Variants in ZSWIM5 observed in about 807,000 individuals in gnomAD.
ZSWIM5 encodes zinc finger SWIM domain-containing protein 5.
Under a neutral mutation model 119.6 loss-of-function variants are expected in ZSWIM5, and 55 were observed. The ratio of observed to expected loss-of-function variants is 0.46; its 90% CI spans 0.37 to 0.58. The LOEUF (loss-of-function observed/expected upper bound fraction) is 0.58, where lower values mean the gene tolerates loss of function less well. Ranked by LOEUF, ZSWIM5 falls within the 20% of genes least tolerant of loss-of-function variation. The pLI is 0.00. For missense variants in ZSWIM5, 1,193 were observed against 1,512.8 expected, an observed-to-expected ratio of 0.79 and a Z score of 3.51; for synonymous variants, 537 against 606.9, an observed-to-expected ratio of 0.88 and a Z score of 1.69.
chr1:45,092,408 T>A (rs1645371940), intron 1 of ZSWIM5, among the ~76,000 whole-genome samples: 2 of 152,224 alleles, frequency 1.3e-5, no homozygotes, highest in Non-Finnish European at 1.5e-5. Flanking sequence ...GTGATTCTCC[T>A]GCCTCAGCCT....
chr1:45,154,840 C>T (rs1645817818), intron 1 of ZSWIM5, among the ~76,000 whole-genome samples: 2 of 151,944 alleles, frequency 1.3e-5, no homozygotes, highest in Admixed American at 6.6e-5. Flanking sequence ...GGAGATTGTG[C>T]CATTGCACTC....
At chr1:45,117,109 C>A (rs1282355756) in intron 1 of ZSWIM5, among the ~76,000 whole-genome samples, 1 of 152,074 alleles carries the variant, frequency 6.6e-6, no homozygotes, top group Non-Finnish European at 1.5e-5. Flanking sequence ...GCTCAAAAGA[C>A]AGAAAAAAGG....
intron 1 of ZSWIM5, among the ~76,000 whole-genome samples, chr1:45,148,596 C>T (rs559528784): frequency 6.6e-6 from 1 of 152,020 alleles, no homozygotes; most frequent in African/African-American, 2.4e-5. Context: ...GCTTAAGGAT[C>T]AAATTGGTTG....
intron 5 of ZSWIM5, among the ~76,000 whole-genome samples, chr1:45,044,812 T>TATATATAAAC: frequency 7.1e-5 from 1 of 14,038 alleles, no homozygotes; most frequent in Non-Finnish European, 1.2e-4. Flanking sequence ...TAAATATATA[T>TATATATAAAC]ATATATATAA....
intron 1 of ZSWIM5, among the ~76,000 whole-genome samples, chr1:45,101,809 A>G (rs1053085313): frequency 6.6e-6 from 1 of 152,198 alleles, no homozygotes; most frequent in Non-Finnish European, 1.5e-5. Flanking sequence ...CAAACACCGC[A>G]TGTTCTCACT....
At chr1:45,187,233 T>C (rs1226481454) in intron 1 of ZSWIM5, among the ~76,000 whole-genome samples, 1 of 152,074 alleles carries the variant, frequency 6.6e-6, no homozygotes, top group East Asian at 1.9e-4. Context: ...AAAGACAATG[T>C]GATACTAACA....
intron 2 of ZSWIM5, among the ~76,000 whole-genome samples, chr1:45,073,340 C>G (rs151003755): frequency 6.9e-6 from 1 of 144,120 alleles, no homozygotes; most frequent in African/African-American, 2.6e-5. Flanking sequence ...CTCACTGCAA[C>G]CTCTGCCTCC....
At chr1:45,023,153 C>T (rs1644898412) in intron 11 of ZSWIM5, among the ~76,000 whole-genome samples, 1 of 152,154 alleles carries the variant, frequency 6.6e-6, no homozygotes, top group Non-Finnish European at 1.5e-5. Context: ...TGGGTTTTGA[C>T]AAATGTATGC....
At chr1:45,068,091 C>CTTTTTTTTTTTTTTTTTTTTTTTT (rs869057806) in intron 2 of ZSWIM5, among the ~76,000 whole-genome samples, 1 of 111,536 alleles carries the variant, frequency 9.0e-6, no homozygotes. Context: ...AGCAATTTTT[C>CTTTTTTTTTTTTTTTTTTTTTTTT]TTTTTTTTTT....
intron 2 of ZSWIM5, among the ~76,000 whole-genome samples, chr1:45,063,087 T>C (rs1436514339): frequency 6.6e-6 from 1 of 152,200 alleles, no homozygotes; most frequent in Non-Finnish European, 1.5e-5. Flanking sequence ...GGCTTCCTAT[T>C]TCTGAATTAA....
chr1:45,104,152 A>G (rs1323298735), intron 1 of ZSWIM5, among the ~76,000 whole-genome samples: 1 of 152,206 alleles, frequency 6.6e-6, no homozygotes, highest in South Asian at 2.1e-4. Flanking sequence ...GGAAGGCCAC[A>G]GCAGTATACC....
At chr1:45,172,443 AT>A (rs1160154107) in intron 1 of ZSWIM5, among the ~76,000 whole-genome samples, 3 of 152,174 alleles carry the variant, frequency 2.0e-5, no homozygotes, top group Non-Finnish European at 1.5e-5. Flanking sequence ...AGAACAAAAT[AT>A]TTTTAAAAAT....
intron 1 of ZSWIM5, among the ~76,000 whole-genome samples, chr1:45,119,568 A>T (rs1645578723): frequency 6.6e-6 from 1 of 152,232 alleles, no homozygotes; most frequent in South Asian, 2.1e-4. Context: ...AGGCCTTAGA[A>T]GCATGCTAAA....
chr1:45,135,428 T>G (rs1366111269), intron 1 of ZSWIM5, among the ~76,000 whole-genome samples: 2 of 152,192 alleles, frequency 1.3e-5, no homozygotes, highest in African/African-American at 4.8e-5. Context: ...TGTTTTGTCT[T>G]AAAAAACAGA....
chr1:45,206,279 C>T lies in ZSWIM5; in HGVS notation c.72G>A (p.Ser24=), dbSNP rs1315163871. ...SPVSPAKRQC[S]WPSPQAHHPR... ...GGTGATGAGCCTGCGGGCTGGGCCA[C>T]GAACACTGCCGCTTAGCCGGAGAGA... The change falls in exon 1 of 14, where the codon TCG becomes TCA. Residue 24 remains serine (S), a synonymous_variant. Coordinates refer to ENST00000359600, the MANE Select transcript of ZSWIM5 (RefSeq NM_020883.2). The T allele has an allele frequency of 1.9e-6, 3 of 1,576,902 alleles. No individual in the cohort carries two copies. Among genetic ancestry groups the T allele is most frequent in the African/African-American group, 2.7e-5 (2 of 74,074 alleles).
intron 1 of ZSWIM5, among the ~76,000 whole-genome samples, chr1:45,180,412 T>G (rs1570188284): frequency 6.6e-6 from 1 of 152,016 alleles, no homozygotes; most frequent in African/African-American, 2.4e-5. Flanking sequence ...CTTGCTTAGG[T>G]AAACAAAGCA....
At chr1:45,058,834 G>A (rs1645137718) in intron 3 of ZSWIM5, 75 bp from the exon 4 acceptor site, 4 of 1,558,422 alleles carry the variant, frequency 2.6e-6, no homozygotes, top group Admixed American at 3.4e-5. Flanking sequence ...AGTGGGGGAG[G>A]GGGAAGTGAA....
At position 45,072,305 on chromosome 1, in the gene ZSWIM5, A is replaced by G. The variant is rs1645226632; in HGVS notation, c.953-12058T>C. Reference sequence around the variant, plus strand: ...TTTTTCCTATTGAATTAAGCTCCTTATATATTCTTGTTATTAAGTCCTTGT... The same window carrying G: ...TTTTTCCTATTGAATTAAGCTCCTTGTATATTCTTGTTATTAAGTCCTTGT... On this transcript the variant is annotated intron_variant, in intron 2 of 13. Transcript: ENST00000359600. This position sits in a 1 kb window ranked among gnomAD's most constrained non-coding sequence, Gnocchi z 4.1. 6.6e-6 allele frequency among the ~76,000 whole-genome samples: 1 copy of G among 151,860 alleles called. No individual in the cohort carries two copies. Among genetic ancestry groups the G allele is most frequent in the African/African-American group, 2.4e-5 (1 of 41,192 alleles).
intron 4 of ZSWIM5, among the ~76,000 whole-genome samples, chr1:45,058,137 T>C (rs1490468914): frequency 1.3e-5 from 2 of 152,074 alleles, no homozygotes; most frequent in East Asian, 1.9e-4. Flanking sequence ...AATGACCATA[T>C]AAGTAAGCTC....
Sources: gnomAD v4.1 joint callset for allele counts (sites outside exome capture counted in the v4.1 genomes callset) on GRCh38, gnomAD v4.1.1 for gene constraint, Gnocchi (gnomAD v3.1) non-coding constraint, MANE v1.5 for transcripts, NCBI Gene and HGNC (gene_info 2026-07-23, HGNC 2026-07-21) for gene names.